The following TOP2B variants were observed in gnomAD, a reference collection of about 807,000 sequenced individuals.
TOP2B encodes the protein DNA topoisomerase II beta.
Under a neutral mutation model 193.5 loss-of-function variants are expected in TOP2B, and 51 were observed. That is an observed-to-expected ratio of 0.26 (90% CI 0.21 to 0.33). The LOEUF (loss-of-function observed/expected upper bound fraction) is 0.33. Ranked by LOEUF, TOP2B falls within the 10% of genes least tolerant of loss-of-function variation. The probability of loss-of-function intolerance (pLI) is 1.00; values close to 1 mark genes in which losing one functional copy is unlikely to be tolerated. For missense variants in TOP2B, 1,378 were observed against 1,909.3 expected (o/e 0.72, Z 5.19); for synonymous variants, 634 against 635.7 (o/e 1.00, Z 0.04).
rs2125365433 is a variant in TOP2B, at chr3:25,620,824, G to T, written c.2728-8C>A. The T allele has an allele frequency of 6.2e-7, 1 of 1,612,132 alleles. No individual in the cohort carries two copies. The highest frequency in any genetic ancestry group is 1.1e-5 in the South Asian group (1 of 90,724). ...GTTTTTGTAGTTTGGAAGCTGTAGA[G>T]AAAAAGGTAAATAGCATTGACTTCT... is the stretch of plus-strand genomic sequence containing the variant. On this transcript the variant is annotated splice_region_variant and splice_polypyrimidine_tract_variant and intron_variant, in intron 21 of 35. Transcript: ENST00000264331.
intron 18 of TOP2B, among the ~76,000 whole-genome samples, chr3:25,625,771 C>T (rs1276234146): frequency 6.6e-6 from 1 of 152,162 alleles, no homozygotes; most frequent in Non-Finnish European, 1.5e-5. Context: ...TCACTGTAAT[C>T]ATACTGGACC....
chr3:25,605,154 A>T (rs1178709668), intron 32 of TOP2B, among the ~76,000 whole-genome samples: 1 of 152,164 alleles, frequency 6.6e-6, no homozygotes, highest in African/African-American at 2.4e-5. Context: ...ATTCAAAAAT[A>T]CATGCTGCCA....
intron 1 of TOP2B, among the ~76,000 whole-genome samples, chr3:25,655,465 T>C (rs1703716457): frequency 6.6e-6 from 1 of 152,060 alleles, no homozygotes; most frequent in Non-Finnish European, 1.5e-5. Context: ...ATTATGGAAA[T>C]AGTGTGGAGG....
intron 1 of TOP2B, among the ~76,000 whole-genome samples, chr3:25,663,269 C>T (rs974725357): frequency 6.6e-6 from 1 of 152,140 alleles, no homozygotes; most frequent in Non-Finnish European, 1.5e-5. Context: ...AACAAAAATG[C>T]CTATATGAAA....
intron 4 of TOP2B, among the ~76,000 whole-genome samples, chr3:25,641,385 C>T (rs1376453428): frequency 2.6e-5 from 4 of 151,872 alleles, no homozygotes; most frequent in African/African-American, 7.3e-5. Context: ...CTGACAATTG[C>T]CTAAATAAGG....
chr3:25,636,018 A>G lies in TOP2B; in HGVS notation c.770T>C (p.Val257Ala). The G allele has an allele frequency of 1.2e-6, 2 of 1,613,486 alleles. No individual in the cohort carries two copies. Among genetic ancestry groups the G allele is most frequent in the Non-Finnish European group, 1.7e-6 (2 of 1,179,534 alleles). The change falls in exon 7 of 36, where the codon GTG (valine) becomes GCG (alanine). Residue 257 changes from valine (V) to alanine (A), a missense_variant. Coordinates refer to ENST00000264331, the MANE Select transcript of TOP2B (RefSeq NM_001330700.2). ...ATATGCCCTTCTAGTCATGAGGGCC[A>G]CAATATCCTTGTCAAGTTTTTCCAT... Reference protein sequence around the residue: ...FKMEKLDKDIVALMTRRAYDL... With the variant: ...FKMEKLDKDIAALMTRRAYDL...
At chr3:25,640,991 A>G (rs1006629710) in intron 4 of TOP2B, among the ~76,000 whole-genome samples, 4 of 152,090 alleles carry the variant, frequency 2.6e-5, no homozygotes, top group Admixed American at 2.6e-4. Flanking sequence ...CATGTTGCCC[A>G]GACTGGTCTC....
intron 21 of TOP2B, among the ~76,000 whole-genome samples, chr3:25,623,152 T>A (rs7645628): frequency 0.28 from 42,496 of 152,112 alleles, 6,026 homozygotes; most frequent in East Asian, 0.31. Context: ...ATGAATACAA[T>A]GTGTTTTTAA....
At chr3:25,650,499 C>A (rs564093941) in intron 1 of TOP2B, among the ~76,000 whole-genome samples, 2 of 152,332 alleles carry the variant, frequency 1.3e-5, no homozygotes, top group South Asian at 4.1e-4. Context: ...GTGTCAGTAT[C>A]TTGATCCCAT....
At chr3:25,598,878 G>A (rs1702005658) in intron 35 of TOP2B, among the ~76,000 whole-genome samples, 1 of 152,130 alleles carries the variant, frequency 6.6e-6, no homozygotes, top group African/African-American at 2.4e-5. Flanking sequence ...CACTGTAAGT[G>A]TTTAAAAAAA....
chr3:25,627,753 T>C (rs1702843611), intron 15 of TOP2B, among the ~76,000 whole-genome samples: 1 of 152,140 alleles, frequency 6.6e-6, no homozygotes, highest in Non-Finnish European at 1.5e-5. Flanking sequence ...GGACCTTACT[T>C]GGATCCTGAC....
rs370671824 is a variant in TOP2B at position 25,633,868 on chromosome 3, G to A, written c.999C>T (p.Ser333=). 13 of 1,611,590 alleles carry A rather than the reference G, an allele frequency of 8.1e-6. No homozygotes were observed. In the African/African-American group the frequency reaches 1.7e-4, roughly 22 times the overall value. ...TTGTAGTTGCAATACTATTTACAAA[G>A]CTGATTTGCTGGAATCCTTTTTCAC... The part of the protein sequence containing the change: ...TLSEKGFQQI[S]FVNSIATTKG... The change falls in exon 8 of 36, where the codon AGC becomes AGT. Residue 333 remains serine (S), a synonymous_variant. Coordinates refer to ENST00000264331, the MANE Select transcript of TOP2B (RefSeq NM_001330700.2).
intron 4 of TOP2B, among the ~76,000 whole-genome samples, chr3:25,641,584 T>A (rs990652016): frequency 6.6e-5 from 10 of 152,224 alleles, no homozygotes; most frequent in Admixed American, 4.6e-4. Context: ...AACATTTTCA[T>A]ATAAAATATA....
At chr3:25,664,205 C>G in intron 1 of TOP2B, 24 bp downstream of exon 1, 2 of 1,539,090 alleles carry the variant, frequency 1.3e-6, no homozygotes, top group African/African-American at 2.7e-5. Context: ...ATGCAGCCGC[C>G]CGTCCCGGGG....
At chr3:25,610,102 G>A (rs1029852363) in intron 28 of TOP2B, among the ~76,000 whole-genome samples, 9 of 152,024 alleles carry the variant, frequency 5.9e-5, no homozygotes, top group Admixed American at 1.3e-4. Flanking sequence ...TCAGGAGGCT[G>A]AGGCAGGAGA....
chr3:25,619,113 A>T (rs899307815), intron 23 of TOP2B, among the ~76,000 whole-genome samples: 1 of 152,130 alleles, frequency 6.6e-6, no homozygotes, highest in Non-Finnish European at 1.5e-5. Context: ...AATAGGCCTT[A>T]AAAAAAGGGC....
intron 29 of TOP2B, 80 bp downstream of exon 29, chr3:25,609,488 G>T: frequency 6.6e-7 from 1 of 1,507,670 alleles, no homozygotes; most frequent in Non-Finnish European, 8.9e-7. Context: ...CAGAAAAAGA[G>T]CACAATCAAA....
chr3:25,613,205 G>C (rs1702421157), intron 27 of TOP2B, among the ~76,000 whole-genome samples: 1 of 152,062 alleles, frequency 6.6e-6, no homozygotes, highest in Non-Finnish European at 1.5e-5. Context: ...AACTCAGGCA[G>C]GTCTATGTAA....
chr3:25,609,491 C>T, intron 29 of TOP2B, 77 bp downstream of exon 29: 4 of 1,513,770 alleles, frequency 2.6e-6, no homozygotes, highest in Non-Finnish European at 3.5e-6. Context: ...AAAAAGAGCA[C>T]AATCAAAAGA....
Sources: gnomAD v4.1 joint callset for allele counts (sites outside exome capture counted in the v4.1 genomes callset) on GRCh38, gnomAD v4.1.1 for gene constraint, MANE v1.5 for transcripts, NCBI Gene and HGNC (gene_info 2026-07-23, HGNC 2026-07-21) for gene names.